Variants in LRCH1 observed in about 807,000 individuals in gnomAD.
LRCH1 encodes the protein leucine rich repeats and calponin homology domain containing 1, also known as leucine-rich repeat and calponin homology domain-containing protein 1.
A neutral mutation model predicts 94.9 loss-of-function variants in LRCH1; 23 were observed. The ratio of observed to expected loss-of-function variants is 0.24; its 90% confidence interval spans 0.17 to 0.34. The LOEUF (loss-of-function observed/expected upper bound fraction) is 0.34, where lower values mean the gene tolerates loss of function less well. Among genes scored for constraint, LRCH1 ranks in the 10% least tolerant of loss-of-function variants. The pLI, the probability that LRCH1 is intolerant of heterozygous loss-of-function variation, is 1.00. For synonymous variants in LRCH1, 364 were observed against 354.9 expected (o/e 1.03, Z -0.29); for missense variants, 790 against 945.9 (o/e 0.84, Z 2.16).
chr13:46,623,271 A>G (rs373501640), intron 1 of LRCH1, among the ~76,000 whole-genome samples: 4 of 152,150 alleles, frequency 2.6e-5, no homozygotes, highest in South Asian at 4.1e-4. Context: ...GTGAAAGATA[A>G]TGCTTGTGGT....
intron 7 of LRCH1, 113 bp from the exon 8 acceptor site, chr13:46,692,423 T>C: frequency 1.3e-6 from 1 of 771,762 alleles, no homozygotes; most frequent in Non-Finnish European, 2.1e-6. Context: ...TGGCAACTTA[T>C]ATTCAATATG....
At chr13:46,636,414 A>G (rs886990304) in intron 1 of LRCH1, among the ~76,000 whole-genome samples, 1 of 152,172 alleles carries the variant, frequency 6.6e-6, no homozygotes, top group African/African-American at 2.4e-5. Flanking sequence ...AATGTCAGGT[A>G]CATTTACATT....
At position 46,625,977 on chromosome 13, in the gene LRCH1, A is replaced by T. The variant is rs2050944290; in HGVS notation, c.308-24224A>T. 2.6e-5 allele frequency among the ~76,000 whole-genome samples: 4 copies of T among 152,150 alleles called. No individual in the cohort carries two copies. In the South Asian group the frequency reaches 8.3e-4, roughly 32 times the overall value. ...CAGATGTTTGTTGTTTAAGCCACTC[A>T]GACTATGGTATTTTTGTATCTTCCA... is the stretch of plus-strand genomic sequence containing the variant. On this transcript the variant is annotated intron_variant, in intron 1 of 19. Transcript: ENST00000389797.
chr13:46,661,502 T>C (rs1053454431), intron 2 of LRCH1, among the ~76,000 whole-genome samples: 2 of 152,204 alleles, frequency 1.3e-5, no homozygotes, highest in Admixed American at 6.5e-5. Context: ...AAAGAGCTAG[T>C]ATTTGAGTAA....
At position 46,565,812 on chromosome 13, in the gene LRCH1, AAATAAT is replaced by A. The variant is rs3068690; in HGVS notation, c.307+12143_307+12148del. On this transcript the variant is annotated intron_variant, in intron 1 of 19. Transcript: ENST00000389797. ...GTGACAGAATGAGACTCTGTCTCCA[AAATAAT>A]AATAATAATAATAATAATAATAATA... is the stretch of plus-strand genomic sequence containing the variant. Among the ~76,000 whole-genome samples, 608 of 140,130 alleles carry A rather than the reference AAATAAT, an allele frequency of 4.3e-3. 5 individuals are homozygous for A. The highest frequency in any genetic ancestry group is 6.6e-3 in the South Asian group (28 of 4,224). The allele number at this position is 140,130 out of a possible 152,430, so 91.9% of individuals were successfully genotyped here. A position where few individuals can be genotyped will look rare whatever the true frequency, so the allele number is the denominator to read the frequency against.
intron 1 of LRCH1, among the ~76,000 whole-genome samples, chr13:46,611,746 G>A (rs1036407233): frequency 1.3e-5 from 2 of 152,122 alleles, no homozygotes; most frequent in African/African-American, 4.8e-5. Context: ...TTGTTGAGAT[G>A]ATAATATTTT....
rs1872278553 is a variant in LRCH1 at position 46,715,585 on chromosome 13, C to G, written c.1680C>G (p.Ile560Met). Residue 560 changes from isoleucine to methionine, a missense_variant, in exon 16 of 20, where the codon ATC (isoleucine) becomes ATG (methionine). Physicochemically the swap from Ile to Met is conservative, Grantham distance 10 (BLOSUM62 1). Around this residue, in one of 3 missense-constraint regions of LRCH1, gnomAD observed 460 missense variants for 508.9 expected, o/e 0.90. Coordinates refer to ENST00000389797, the MANE Select transcript of LRCH1 (RefSeq NM_001164211.2). The stretch of plus-strand genomic sequence containing the variant: ...ACCCAGCCCTCATTCTTCCTCCTAT[C>G]TCCTTCAACACACTTACACAGGCAC... ...RSDPALILPP[I>M]SFNTLTQAQT... The G allele has an allele frequency of 1.3e-6, 2 of 1,537,176 alleles. No homozygotes were observed. Among genetic ancestry groups the G allele is most frequent in the Non-Finnish European group, 1.7e-6 (2 of 1,146,748 alleles).
At chr13:46,727,790 T>C (rs1233548102) in intron 17 of LRCH1, among the ~76,000 whole-genome samples, 1 of 152,212 alleles carries the variant, frequency 6.6e-6, no homozygotes, top group Non-Finnish European at 1.5e-5. Context: ...CTCTGTGTAT[T>C]AGTTCTTACA....
rs1384999520 is a variant in LRCH1 at position 46,744,170 on chromosome 13, C to T, written c.*2322C>T. 11 of 985,256 alleles carry T rather than the reference C, an allele frequency of 1.1e-5. No homozygotes were observed. The South Asian group carries it at 2.3e-4, about 21-fold the overall frequency. 61.0% of individuals were successfully genotyped at this position (985,256 alleles called of 1,614,324 possible). A position where few individuals can be genotyped will look rare whatever the true frequency, so the allele number is the denominator to read the frequency against. Reference sequence around the variant, plus strand: ...AGCCCATATGCTAACTGGATGCCTGCGGATGCCTGCCCTTGCAGCTTGACT... The same window carrying T: ...AGCCCATATGCTAACTGGATGCCTGTGGATGCCTGCCCTTGCAGCTTGACT... On this transcript the variant is annotated 3_prime_UTR_variant, in exon 20 of 20. Transcript: ENST00000389797.
intron 14 of LRCH1, 44 bp downstream of exon 14, chr13:46,711,888 G>T: frequency 7.2e-7 from 1 of 1,397,596 alleles, no homozygotes; most frequent in South Asian, 1.2e-5. Context: ...GTTTCTTGAT[G>T]GCTGGATTGG....
intron 2 of LRCH1, among the ~76,000 whole-genome samples, chr13:46,667,603 C>A (rs941228135): frequency 2.0e-5 from 3 of 151,756 alleles, no homozygotes; most frequent in African/African-American, 7.3e-5. Context: ...GTGCAGTACA[C>A]CAACATGGCG....
intron 2 of LRCH1, among the ~76,000 whole-genome samples, chr13:46,651,694 G>A (rs2051301774): frequency 7.3e-6 from 1 of 136,344 alleles, no homozygotes; most frequent in African/African-American, 2.6e-5. Context: ...TTGCATTTCT[G>A]TAGAAGTGCT....
At chr13:46,624,176 A>G (rs780497494) in intron 1 of LRCH1, among the ~76,000 whole-genome samples, 1 of 151,986 alleles carries the variant, frequency 6.6e-6, no homozygotes, top group Non-Finnish European at 1.5e-5. Context: ...GAGCCACTAC[A>G]CCCAGGCCCT....
intron 7 of LRCH1, among the ~76,000 whole-genome samples, chr13:46,690,679 T>C (rs1157388445): frequency 6.6e-6 from 1 of 152,234 alleles, no homozygotes; most frequent in Non-Finnish European, 1.5e-5. Flanking sequence ...GAAAAGATTA[T>C]ATTCAACAGA....
At chr13:46,592,155 G>A (rs181649805) in intron 1 of LRCH1, among the ~76,000 whole-genome samples, 1 of 152,284 alleles carries the variant, frequency 6.6e-6, no homozygotes, top group East Asian at 1.9e-4. Context: ...TTTAAGGTAC[G>A]GCGCCTCGTG....
chr13:46,593,693 C>T (rs1037663906), intron 1 of LRCH1, among the ~76,000 whole-genome samples: 1 of 152,118 alleles, frequency 6.6e-6, no homozygotes. Context: ...CTGGCCCAGG[C>T]GGGATCCATC....
chr13:46,672,909 G>A (rs1162752417), intron 3 of LRCH1, among the ~76,000 whole-genome samples: 2 of 152,212 alleles, frequency 1.3e-5, no homozygotes, highest in Non-Finnish European at 2.9e-5. Flanking sequence ...TCACCCCTGT[G>A]TAGCTAAATT....
At chr13:46,747,796 G>T (rs1005350570), downstream of LRCH1, among the ~76,000 whole-genome samples, 5 of 151,302 alleles carry the variant, frequency 3.3e-5, no homozygotes, top group East Asian at 9.7e-4. Flanking sequence ...AGAGTGCAGT[G>T]GCACAATCAT....
intron 1 of LRCH1, among the ~76,000 whole-genome samples, chr13:46,558,527 G>A (rs2050091698): frequency 7.2e-6 from 1 of 139,008 alleles, no homozygotes; most frequent in Non-Finnish European, 1.5e-5. Context: ...CTTGAGGCCA[G>A]GAGTTCAAGA....
Sources: gnomAD v4.1 joint callset for allele counts (sites outside exome capture counted in the v4.1 genomes callset) on GRCh38, gnomAD v4.1.1 for gene constraint, gnomAD v4.1.1 regional missense constraint, MANE v1.5 for transcripts, NCBI Gene and HGNC (gene_info 2026-07-23, HGNC 2026-07-21) for gene names.